PSMA5: variants seen among roughly 807,000 people sequenced by gnomAD.
PSMA5 encodes proteasome subunit alpha type-5.
A neutral mutation model predicts 34.5 loss-of-function variants in PSMA5; 3 were observed. That is an observed-to-expected ratio of 0.09 (90% confidence interval 0.04 to 0.22). The LOEUF (loss-of-function observed/expected upper bound fraction) is 0.22. PSMA5 is among the 10% of genes least tolerant of loss of function. The pLI is 1.00. For synonymous variants in PSMA5, 88 were observed against 95.8 expected, an observed-to-expected ratio of 0.92 and a Z score of 0.47; for missense variants, 120 against 286.1, an observed-to-expected ratio of 0.42 and a Z score of 4.19.
intron 8 of PSMA5, among the ~76,000 whole-genome samples, chr1:109,404,706 A>G (rs1177342813): frequency 6.6e-6 from 1 of 152,246 alleles, no homozygotes; most frequent in Non-Finnish European, 1.5e-5. Context: ...TTCAAAAAAC[A>G]TCTCTATGAG....
At chr1:109,408,809 G>A (rs1408533480) in intron 8 of PSMA5, among the ~76,000 whole-genome samples, 1 of 151,750 alleles carries the variant, frequency 6.6e-6, no homozygotes, top group Admixed American at 6.6e-5. Context: ...TCATGCCTCA[G>A]CTTCCCAAGT....
intron 1 of PSMA5, among the ~76,000 whole-genome samples, chr1:109,422,409 G>A (rs1187086218): frequency 6.6e-6 from 1 of 151,866 alleles, no homozygotes; most frequent in Non-Finnish European, 1.5e-5. Flanking sequence ...TCTCCTAACA[G>A]GTATTGACTC....
chr1:109,416,644 T>C (rs1232781370), intron 2 of PSMA5, among the ~76,000 whole-genome samples: 8 of 152,272 alleles, frequency 5.3e-5, no homozygotes, highest in African/African-American at 1.7e-4. Context: ...GTCTGCAGAC[T>C]GAATGATCAT....
chr1:109,412,645 AGTATCCCTGAC>A (rs1654040176), intron 4 of PSMA5: 1 of 162,452 alleles, frequency 6.2e-6, no homozygotes. Context: ...AAAAAAAAAC[AGTATCCCTGAC>A]CAGTATTTGT....
chr1:109,418,044 CA>C (rs1571026982), intron 2 of PSMA5, among the ~76,000 whole-genome samples: 1 of 151,708 alleles, frequency 6.6e-6, no homozygotes, highest in African/African-American at 2.4e-5. Flanking sequence ...GGCAACATGG[CA>C]AAACTTTACC....
At chr1:109,408,538 C>A (rs561392204) in intron 8 of PSMA5, among the ~76,000 whole-genome samples, 45 of 152,330 alleles carry the variant, frequency 3.0e-4, no homozygotes, top group African/African-American at 9.9e-4. Flanking sequence ...GTGTCTGTAA[C>A]CCTGGGCATC....
intron 1 of PSMA5, chr1:109,425,930 T>A (rs147258693): frequency 2.8e-4 from 82 of 288,962 alleles, no homozygotes; most frequent in African/African-American, 1.5e-3. Flanking sequence ...CACGTTTAAC[T>A]TTTTGTTTGT....
chr1:109,426,276 A>G (rs1571037461), intron 1 of PSMA5, 26 bp downstream of exon 1: 1 of 1,599,968 alleles, frequency 6.3e-7, no homozygotes, highest in Non-Finnish European at 8.5e-7. Flanking sequence ...CATAATTCCC[A>G]CCCGACGTCC....
chr1:109,402,909 T>G (rs1054691960), intron 8 of PSMA5, among the ~76,000 whole-genome samples: 4 of 152,184 alleles, frequency 2.6e-5, no homozygotes. Context: ...TTCTCCATGT[T>G]GGTCAGGCTG....
chr1:109,403,533 G>A (rs1384102066), intron 8 of PSMA5, among the ~76,000 whole-genome samples: 2 of 152,008 alleles, frequency 1.3e-5, no homozygotes, highest in Admixed American at 1.3e-4. Flanking sequence ...AGGAGGCTGA[G>A]GTGGGAGAAT....
chr1:109,411,103 C>T lies in PSMA5; in HGVS notation c.469G>A (p.Asp157Asn), dbSNP rs764001116. 1 of 1,611,986 alleles carries T rather than the reference C, an allele frequency of 6.2e-7. No individual in the cohort carries two copies. Among genetic ancestry groups the T allele is most frequent in the Non-Finnish European group, 8.5e-7 (1 of 1,178,924 alleles). ...DEKGPQLFHM[D>N]PSGTFVQCDA... The stretch of plus-strand genomic sequence containing the variant: ...CACTGTACAAAGGTCCCAGATGGGT[C>T]CATATGAAACCTGCAAAACCCCCAA... Residue 157 changes from aspartate to asparagine, a missense_variant, in exon 7 of 9, where the codon GAC (aspartate) becomes AAC (asparagine). Asp to Asn is a conservative substitution (Grantham distance 23). This residue lies in a region of PSMA5 where 83 missense variants were observed against 203.2 expected (regional missense o/e 0.41). Coordinates refer to ENST00000271308, the MANE Select transcript of PSMA5 (RefSeq NM_002790.4).
intron 8 of PSMA5, among the ~76,000 whole-genome samples, chr1:109,409,247 C>A (rs529591353): frequency 1.3e-5 from 2 of 152,338 alleles, no homozygotes; most frequent in South Asian, 4.1e-4. Context: ...ACTTCCAAAT[C>A]CTGGGTTCAA....
chr1:109,419,367 G>C (rs755239218), intron 2 of PSMA5, among the ~76,000 whole-genome samples: 1 of 152,088 alleles, frequency 6.6e-6, no homozygotes, highest in Non-Finnish European at 1.5e-5. Context: ...AAGGCTCCAA[G>C]ATTTCATTAA....
intron 2 of PSMA5, 52 bp from the exon 3 acceptor site, chr1:109,415,415 C>T: frequency 6.5e-7 from 1 of 1,544,746 alleles, no homozygotes; most frequent in Non-Finnish European, 8.8e-7. Flanking sequence ...AACTGTCTTA[C>T]ATACTCACCA....
At chr1:109,419,633 T>C (rs1315269995) in intron 2 of PSMA5, among the ~76,000 whole-genome samples, 1 of 151,822 alleles carries the variant, frequency 6.6e-6, no homozygotes. Context: ...TGAAACACCA[T>C]CTCTACTAAA....
chr1:109,421,865 T>C lies in PSMA5; in HGVS notation c.91A>G (p.Ile31Val). 7 of 1,555,158 alleles carry C rather than the reference T, an allele frequency of 4.5e-6. No homozygotes were observed. Among genetic ancestry groups the C allele is most frequent in the Non-Finnish European group, 6.0e-6 (7 of 1,159,324 alleles). Residue 31 changes from isoleucine to valine, a missense_variant, in exon 2 of 9, where the codon ATC becomes GTC. Ile to Val is a conservative substitution (Grantham distance 29, BLOSUM62 3). This residue lies in a region of PSMA5 where 17 missense variants were observed against 63.5 expected (regional missense o/e 0.27). Transcript: ENST00000271308. The part of the protein sequence containing the change: ...LFQVEYAIEA[I>V]KLGSTAIGIQ... ...TATGCTACTTGCTACTATACCTTGATAGCCTCAATGGCATATTCCACTTGA... is the reference window on the plus strand; with the variant it reads ...TATGCTACTTGCTACTATACCTTGACAGCCTCAATGGCATATTCCACTTGA...
intron 1 of PSMA5, chr1:109,425,337 A>G (rs1426324954): frequency 6.6e-6 from 1 of 152,206 alleles, no homozygotes; most frequent in Non-Finnish European, 1.5e-5. Flanking sequence ...CTAACTCAAA[A>G]TTATGTCACC....
rs2100945589 is a variant in PSMA5, at chr1:109,399,501, G to A, written c.*2512C>T. On this transcript the variant is annotated 3_prime_UTR_variant, in exon 9 of 9. Coordinates refer to ENST00000271308, the MANE Select transcript of PSMA5 (RefSeq NM_002790.4). ...TATTTCTTTGTTTGGGTGACACAAAGATGAATGGTCTATTGTCTTACTGTC... is the reference window on the plus strand; with the variant it reads ...TATTTCTTTGTTTGGGTGACACAAAAATGAATGGTCTATTGTCTTACTGTC... 6.6e-6 allele frequency: 1 copy of A among 152,356 alleles called. No individual in the cohort carries two copies. The highest frequency in any genetic ancestry group is 1.5e-5 in the Non-Finnish European group (1 of 68,046). 9.4% of individuals were successfully genotyped at this position (152,356 alleles called of 1,614,324 possible). A position where few individuals can be genotyped will look rare whatever the true frequency, so the allele number is the denominator to read the frequency against.
chr1:109,420,122 A>G (rs1004558853), intron 2 of PSMA5, among the ~76,000 whole-genome samples: 1 of 152,240 alleles, frequency 6.6e-6, no homozygotes, highest in Non-Finnish European at 1.5e-5. Context: ...ATTAACTCCA[A>G]GAAAAACAAT....
Sources: allele counts gnomAD v4.1 joint callset (sites outside exome capture counted in the v4.1 genomes callset), GRCh38; gene constraint gnomAD v4.1.1; regional missense constraint gnomAD v4.1.1; transcripts MANE v1.5; gene names NCBI Gene and HGNC (gene_info 2026-07-23, HGNC 2026-07-21).